Variants in KAZN observed in about 807,000 individuals in gnomAD.
The protein encoded by KAZN is kazrin, periplakin interacting protein.
KAZN carries 40 observed loss-of-function variants against 87.4 expected under a neutral mutation model. The ratio of observed to expected loss-of-function variants is 0.46; its 90% CI spans 0.36 to 0.60. The LOEUF (loss-of-function observed/expected upper bound fraction) is 0.60. Ranked by LOEUF, KAZN falls within the 20% of genes least tolerant of loss-of-function variation. The probability of loss-of-function intolerance (pLI) is 0.00; values close to 1 mark genes in which losing one functional copy is unlikely to be tolerated. For missense variants in KAZN, 898 were observed against 1,073.9 expected, an observed-to-expected ratio of 0.84 and a Z score of 2.29; for synonymous variants, 466 against 458.3, an observed-to-expected ratio of 1.02 and a Z score of -0.22.
intron 1 of KAZN, among the ~76,000 whole-genome samples, chr1:14,114,262 T>C (rs1335279217): frequency 6.6e-6 from 1 of 152,098 alleles, no homozygotes; most frequent in Admixed American, 6.5e-5. Flanking sequence ...GAATATGTCA[T>C]GTTTCAGCTG....
chr1:14,153,445 CTTT>C lies in KAZN; in HGVS notation c.92-26987_92-26985del, dbSNP rs1458241024. Among the ~76,000 whole-genome samples the C allele has an allele frequency of 2.0e-5, 3 of 152,050 alleles. No homozygotes were observed. In the East Asian group the frequency reaches 5.8e-4, roughly 29 times the overall value. On this transcript the variant is annotated intron_variant, in intron 1 of 16. Coordinates refer to the KAZN transcript ENST00000636203. The stretch of plus-strand genomic sequence containing the variant: ...CCAACTTTCCCAGCTTCATTTATGT[CTTT>C]TTCTCAGTGTATGTTATTGGCACCT...
At chr1:15,029,105 T>C (rs918451844) in intron 2 of KAZN, among the ~76,000 whole-genome samples, 2 of 152,198 alleles carry the variant, frequency 1.3e-5, no homozygotes, top group African/African-American at 4.8e-5. Flanking sequence ...GCCAGAACTG[T>C]GACACCTGCC....
chr1:14,206,027 A>G (rs1279965853), intron 2 of KAZN, among the ~76,000 whole-genome samples: 1 of 152,078 alleles, frequency 6.6e-6, no homozygotes, highest in Non-Finnish European at 1.5e-5. Context: ...ATAATAAATA[A>G]ATTTTTTAAA....
chr1:13,918,719 A>T (rs894003317), intron 1 of KAZN, among the ~76,000 whole-genome samples: 1 of 152,252 alleles, frequency 6.6e-6, no homozygotes, highest in African/African-American at 2.4e-5. Flanking sequence ...AGCCATTCCA[A>T]CCTTCAGCAA....
chr1:14,844,445 A>G (rs1438156191), intron 1 of KAZN, among the ~76,000 whole-genome samples: 17 of 152,182 alleles, frequency 1.1e-4, no homozygotes, highest in Admixed American at 1.1e-3. Flanking sequence ...CATTATGAAC[A>G]GCAACTTTTG....
intron 1 of KAZN, among the ~76,000 whole-genome samples, chr1:14,167,271 C>A (rs1425015762): frequency 6.6e-6 from 1 of 152,182 alleles, no homozygotes; most frequent in Admixed American, 6.5e-5. Context: ...GCATTCCATT[C>A]CATATTTCAT....
At chr1:14,491,884 A>C (rs1669667365) in intron 2 of KAZN, among the ~76,000 whole-genome samples, 1 of 152,068 alleles carries the variant, frequency 6.6e-6, no homozygotes, top group Non-Finnish European at 1.5e-5. Flanking sequence ...AAAAGAAAAA[A>C]ATCTTTTTGC....
At chr1:14,527,998 CCTATCTATCTATCTAT>C (rs200376042) in intron 2 of KAZN, among the ~76,000 whole-genome samples, 2,956 of 145,266 alleles carry the variant, frequency 0.02, 40 homozygotes, top group Non-Finnish European at 0.028. Context: ...GGTCTAGAAT[CCTATCTATCTATCTAT>C]CTATCTATCT....
At chr1:14,690,469 A>G (rs1268437058) in intron 1 of KAZN, among the ~76,000 whole-genome samples, 1 of 152,194 alleles carries the variant, frequency 6.6e-6, no homozygotes, top group Non-Finnish European at 1.5e-5. Context: ...ACATAATGAC[A>G]GTCCTCCTCC....
chr1:15,022,191 C>G (rs1218780095), intron 2 of KAZN, among the ~76,000 whole-genome samples: 1 of 151,980 alleles, frequency 6.6e-6, no homozygotes, highest in African/African-American at 2.4e-5. Context: ...CCATGCACCC[C>G]CCTCCCTCCC....
intron 1 of KAZN, among the ~76,000 whole-genome samples, chr1:14,654,865 A>G (rs904845096): frequency 6.6e-6 from 1 of 152,208 alleles, no homozygotes; most frequent in African/African-American, 2.4e-5. Context: ...GTCCACAGGT[A>G]CAAGGAGGAC....
At chr1:14,673,094 T>A (rs1476000547) in intron 1 of KAZN, among the ~76,000 whole-genome samples, 1 of 152,236 alleles carries the variant, frequency 6.6e-6, no homozygotes, top group Non-Finnish European at 1.5e-5. Flanking sequence ...GAATGACAGA[T>A]GCCCATTAGC....
At chr1:13,976,291 C>T (rs1260019312) in intron 1 of KAZN, among the ~76,000 whole-genome samples, 1 of 152,154 alleles carries the variant, frequency 6.6e-6, no homozygotes, top group African/African-American at 2.4e-5. Flanking sequence ...TAATAAAAAT[C>T]TGTAATGTAA....
At chr1:15,095,528 G>C (rs1640770093) in intron 10 of KAZN, among the ~76,000 whole-genome samples, 1 of 150,926 alleles carries the variant, frequency 6.6e-6, no homozygotes, top group Non-Finnish European at 1.5e-5. Context: ...CGGCCTGCCT[G>C]CCTCTCTCCT....
chr1:14,427,823 A>G (rs1338822692), intron 2 of KAZN, among the ~76,000 whole-genome samples: 1 of 152,178 alleles, frequency 6.6e-6, no homozygotes, highest in Non-Finnish European at 1.5e-5. Context: ...CTAGGTTCTC[A>G]TTAATGTAAA....
rs12026966 is a variant in KAZN at position 14,750,512 on chromosome 1, T to C, written c.226+151289T>C. On this transcript the variant is annotated intron_variant, in intron 1 of 14. Transcript: ENST00000376030. The stretch of plus-strand genomic sequence containing the variant: ...GCTCATAACTTGCCATCTTTTTTCT[T>C]TCAAATTCATAATCTGGGATGCTCA... 1.4e-4 allele frequency among the ~76,000 whole-genome samples: 22 copies of C among 152,264 alleles called. No homozygotes were observed. The East Asian group carries it at 4.1e-3, about 28-fold the overall frequency.
At position 15,058,787 on chromosome 1, in the gene KAZN, G is replaced by A. The variant is rs146712950; in HGVS notation, c.917-1385G>A. On this transcript the variant is annotated intron_variant, in intron 5 of 14. Transcript: ENST00000376030. ...TGTAAGCCCAGCACTTTGGGAGGCT[G>A]AGGTGGACAGATCACGAGGTCAGGA... Among the ~76,000 whole-genome samples the A allele has an allele frequency of 7.9e-4, 121 of 152,300 alleles. 1 individual carries two copies. The Middle Eastern group carries it at 0.02, about 26-fold the overall frequency.
chr1:14,395,310 G>A (rs1261995251), intron 2 of KAZN, among the ~76,000 whole-genome samples: 1 of 152,140 alleles, frequency 6.6e-6, no homozygotes, highest in African/African-American at 2.4e-5. Flanking sequence ...TTTTACTAAT[G>A]TACTACCTAT....
intron 2 of KAZN, among the ~76,000 whole-genome samples, chr1:14,251,808 C>A (rs879698294): frequency 6.6e-6 from 1 of 151,738 alleles, no homozygotes; most frequent in Non-Finnish European, 1.5e-5. Context: ...GCAACCAAGC[C>A]CAGCTAATTT....
Sources: allele counts gnomAD v4.1 joint callset (sites outside exome capture counted in the v4.1 genomes callset), GRCh38; gene constraint gnomAD v4.1.1; transcripts MANE v1.5; gene names NCBI Gene and HGNC (gene_info 2026-07-23, HGNC 2026-07-21).